Variants in PRORP observed in about 807,000 individuals in gnomAD.
PRORP encodes the protein mitochondrial ribonuclease P catalytic subunit.
In PRORP, 51 loss-of-function variants were observed where a neutral mutation model predicts 59.4. The ratio of observed to expected loss-of-function variants is 0.86; its 90% CI spans 0.69 to 1.08. The LOEUF (loss-of-function observed/expected upper bound fraction) is 1.08, where lower values mean the gene tolerates loss of function less well. PRORP is among the 50% of genes least tolerant of loss of function. PRORP has a pLI of 0.00. For missense variants in PRORP, 646 were observed against 690.3 expected, an observed-to-expected ratio of 0.94 and a Z score of 0.72; for synonymous variants, 231 against 245.6, an observed-to-expected ratio of 0.94 and a Z score of 0.55.
intron 4 of PRORP, among the ~76,000 whole-genome samples, chr14:35,149,865 G>A (rs1566457435): frequency 6.6e-6 from 1 of 151,972 alleles, no homozygotes; most frequent in Non-Finnish European, 1.5e-5. Flanking sequence ...TTTTTAAGGC[G>A]GGGAGACAGA....
intron 4 of PRORP, among the ~76,000 whole-genome samples, chr14:35,168,568 TCA>T (rs2048240544): frequency 6.6e-6 from 1 of 152,132 alleles, no homozygotes; most frequent in Non-Finnish European, 1.5e-5. Flanking sequence ...TCTTTTAATC[TCA>T]GTTTTCTTTG....
intron 5 of PRORP, among the ~76,000 whole-genome samples, chr14:35,204,113 A>G (rs773821410): frequency 2.0e-5 from 3 of 152,218 alleles, no homozygotes; most frequent in Non-Finnish European, 4.4e-5. Flanking sequence ...AACACTTTGT[A>G]TTCTTAGGTA....
intron 4 of PRORP, among the ~76,000 whole-genome samples, chr14:35,142,041 G>C (rs2047492023): frequency 6.9e-6 from 1 of 145,106 alleles, no homozygotes; most frequent in Admixed American, 7.2e-5. Flanking sequence ...ACCACGCCCA[G>C]CTAATTTTTG....
At chr14:35,176,069 C>T (rs910660935) in intron 4 of PRORP, among the ~76,000 whole-genome samples, 1 of 152,140 alleles carries the variant, frequency 6.6e-6, no homozygotes, top group African/African-American at 2.4e-5. Context: ...GGCATTATTT[C>T]TGAGGGCTCT....
chr14:35,183,221 TACAC>T (rs57325498), intron 5 of PRORP, among the ~76,000 whole-genome samples: 5 of 150,654 alleles, frequency 3.3e-5, no homozygotes, highest in African/African-American at 7.3e-5. Flanking sequence ...CATACATACA[TACAC>T]ACACACACAC....
intron 4 of PRORP, among the ~76,000 whole-genome samples, chr14:35,163,460 A>G (rs1019435359): frequency 6.6e-6 from 1 of 152,102 alleles, no homozygotes; most frequent in Admixed American, 6.6e-5. Flanking sequence ...TAGCCATTCT[A>G]ACTGGTTTGA....
chr14:35,181,721 G>A (rs2048611442), intron 5 of PRORP, among the ~76,000 whole-genome samples: 1 of 145,902 alleles, frequency 6.9e-6, no homozygotes, highest in Admixed American at 7.1e-5. Flanking sequence ...GGAGGCGGAG[G>A]TTGCAGTGAG....
At chr14:35,191,062 C>T (rs1246160397) in intron 5 of PRORP, among the ~76,000 whole-genome samples, 1 of 152,142 alleles carries the variant, frequency 6.6e-6, no homozygotes, top group Non-Finnish European at 1.5e-5. Context: ...CAAAGCCAGG[C>T]ATGGTAGCAT....
chr14:35,187,122 T>C (rs1000675634), intron 5 of PRORP, among the ~76,000 whole-genome samples: 1 of 152,204 alleles, frequency 6.6e-6, no homozygotes, highest in African/African-American at 2.4e-5. Flanking sequence ...TATGAACATT[T>C]AGGCACAAGT....
At chr14:35,172,453 C>CTTCCTTCCTTCCTTCCTTCCTTATTTCT in intron 4 of PRORP, among the ~76,000 whole-genome samples, 1 of 46,708 alleles carries the variant, frequency 2.1e-5, no homozygotes, top group South Asian at 7.9e-4. Context: ...TCCTTCCTTC[C>CTTCCTTCCTTCCTTCCTTCCTTATTTCT]TTCTTTCTTT....
At chr14:35,273,341 T>G in intron 7 of PRORP, 94 bp from the exon 8 acceptor site, 2 of 1,279,218 alleles carry the variant, frequency 1.6e-6, no homozygotes, top group Non-Finnish European at 2.1e-6. Flanking sequence ...ATCAATACTC[T>G]TCTGGAGCAA....
In PRORP at chr14:35,266,841, C is replaced by T. The variant is rs1307180779; in HGVS notation, c.1390C>T (p.Gln464Ter). 6.2e-7 allele frequency: 1 copy of T among 1,614,078 alleles called. No individual in the cohort carries two copies. The highest frequency in any genetic ancestry group is 1.7e-5 in the Admixed American group (1 of 60,000). ...QWSRDEMEEV[Q>*]KQASCFFADD... ...GAGTCGGGATGAGATGGAAGAGGTGCAAAAGCAAGCCAGCTGTTTTTTTGC... is the reference window on the plus strand; with the variant it reads ...GAGTCGGGATGAGATGGAAGAGGTGTAAAAGCAAGCCAGCTGTTTTTTTGC... Residue 464 changes from glutamine to a stop codon, truncating the protein, a stop_gained, in exon 6 of 8, where the codon CAA becomes TAA. Coordinates refer to ENST00000534898, the MANE Select transcript of PRORP (RefSeq NM_014672.4). LOFTEE classifies it high-confidence loss of function.
rs202103866 is a variant in PRORP at position 35,123,896 on chromosome 14, C to T, written c.651C>T (p.Ile217=). 3.1e-6 allele frequency: 5 copies of T among 1,614,104 alleles called. No individual in the cohort carries two copies. In the African/African-American group the frequency reaches 6.7e-5, roughly 22 times the overall value. The stretch of plus-strand genomic sequence containing the variant: ...AACCTAGAGGTTACAGTCTTCTCAT[C>T]CGGGGATTGATCCATTCAGACAGAT... ...TLEPRGYSLL[I]RGLIHSDRWR... Residue 217 remains isoleucine (I), a synonymous_variant, in exon 2 of 8, where the codon ATC becomes ATT. Coordinates refer to ENST00000534898, the MANE Select transcript of PRORP (RefSeq NM_014672.4).
chr14:35,158,496 T>A (rs1189315540), intron 4 of PRORP: 2 of 256,700 alleles, frequency 7.8e-6, no homozygotes, highest in South Asian at 1.2e-4. Context: ...CTTCTTCACC[T>A]GTTTCTGGAA....
At chr14:35,128,192 T>C (rs895501445) in intron 4 of PRORP, among the ~76,000 whole-genome samples, 1 of 152,216 alleles carries the variant, frequency 6.6e-6, no homozygotes, top group African/African-American at 2.4e-5. Context: ...ATGATCTTTT[T>C]AATGTATTGT....
At chr14:35,235,622 G>A in intron 5 of PRORP, 1 of 468,414 alleles carries the variant, frequency 2.1e-6, no homozygotes, top group South Asian at 2.0e-5. Flanking sequence ...TTTCTTCTTG[G>A]CCTGGACAAA....
At chr14:35,217,358 T>C (rs2049628991) in intron 5 of PRORP, among the ~76,000 whole-genome samples, 1 of 151,890 alleles carries the variant, frequency 6.6e-6, no homozygotes, top group Non-Finnish European at 1.5e-5. Flanking sequence ...AAAATTAACC[T>C]GGCGTGGTGG....
intron 4 of PRORP, among the ~76,000 whole-genome samples, chr14:35,175,924 G>A (rs2048437813): frequency 6.6e-6 from 1 of 152,252 alleles, no homozygotes; most frequent in African/African-American, 2.4e-5. Flanking sequence ...TGTATAAGGT[G>A]TAAGGAAGGG....
chr14:35,250,335 T>C (rs2050585510), intron 5 of PRORP, among the ~76,000 whole-genome samples: 1 of 152,220 alleles, frequency 6.6e-6, no homozygotes, highest in Non-Finnish European at 1.5e-5. Flanking sequence ...GAACAGCTGC[T>C]GACCATTTTC....
Sources: allele counts gnomAD v4.1 joint callset (sites outside exome capture counted in the v4.1 genomes callset), GRCh38; gene constraint gnomAD v4.1.1; transcripts MANE v1.5; gene names NCBI Gene and HGNC (gene_info 2026-07-23, HGNC 2026-07-21).